PKIA: variants seen among roughly 807,000 people sequenced by gnomAD.
PKIA encodes the protein cAMP-dependent protein kinase inhibitor alpha.
PKIA carries 4 observed loss-of-function variants against 7.6 expected under a neutral mutation model. The ratio of observed to expected loss-of-function variants is 0.52; its 90% CI spans 0.26 to 1.20. The LOEUF (loss-of-function observed/expected upper bound fraction) is 1.20, where lower values mean the gene tolerates loss of function less well. Among genes scored for constraint, PKIA ranks in the 50% most tolerant of loss-of-function variants. The pLI is 0.13. For synonymous variants in PKIA, 21 were observed against 30.7 expected (o/e 0.68, Z 1.04); for missense variants, 73 against 86.2 (o/e 0.85, Z 0.61).
At chr8:78,581,563 G>A (rs190341344) in intron 2 of PKIA, among the ~76,000 whole-genome samples, 2 of 152,164 alleles carry the variant, frequency 1.3e-5, no homozygotes, top group Admixed American at 6.5e-5. Flanking sequence ...TGAGAATAGA[G>A]CTTCACTGTG....
chr8:78,521,721 T>C (rs1465949184), intron 1 of PKIA, among the ~76,000 whole-genome samples: 4 of 152,004 alleles, frequency 2.6e-5, no homozygotes, highest in Non-Finnish European at 5.9e-5. Context: ...AAATTTTTTT[T>C]CTGGTAAAAT....
At chr8:78,546,319 T>G (rs996598352) in intron 1 of PKIA, among the ~76,000 whole-genome samples, 6 of 147,898 alleles carry the variant, frequency 4.1e-5, no homozygotes, top group African/African-American at 1.6e-4. Flanking sequence ...TAGGACCATA[T>G]AGTTAAGAAG....
chr8:78,571,034 G>T (rs1046846882), intron 1 of PKIA, among the ~76,000 whole-genome samples: 1 of 151,994 alleles, frequency 6.6e-6, no homozygotes, highest in African/African-American at 2.4e-5. Flanking sequence ...CTAAGATAAT[G>T]ATTTTAATAA....
intron 1 of PKIA, among the ~76,000 whole-genome samples, chr8:78,525,131 A>G (rs1809517269): frequency 1.3e-5 from 2 of 151,648 alleles, no homozygotes; most frequent in Non-Finnish European, 2.9e-5. Context: ...TTTATCTAGT[A>G]AGCAGTTCAA....
intron 1 of PKIA, among the ~76,000 whole-genome samples, chr8:78,563,857 G>C (rs1807340884): frequency 6.6e-6 from 1 of 152,148 alleles, no homozygotes; most frequent in Non-Finnish European, 1.5e-5. Flanking sequence ...GGAGTTAGTG[G>C]TCTAGAATAT....
intron 1 of PKIA, among the ~76,000 whole-genome samples, chr8:78,560,028 A>G (rs994924751): frequency 6.6e-6 from 1 of 152,148 alleles, no homozygotes; most frequent in African/African-American, 2.4e-5. Flanking sequence ...TGCATATTTG[A>G]TATCATTTTG....
At chr8:78,536,663 AG>A (rs2118386339) in intron 1 of PKIA, among the ~76,000 whole-genome samples, 1 of 152,190 alleles carries the variant, frequency 6.6e-6, no homozygotes, top group South Asian at 2.1e-4. Flanking sequence ...TTCCTCAAAA[AG>A]CTGTGTATCT....
intron 1 of PKIA, among the ~76,000 whole-genome samples, chr8:78,572,508 T>C (rs1807573169): frequency 1.4e-5 from 2 of 145,170 alleles, no homozygotes; most frequent in Admixed American, 7.0e-5. Context: ...ACAGATTTCT[T>C]TCCCCACCAC....
rs549368208 is a variant in PKIA, at chr8:78,597,804, G to T, written c.-27-554G>T. 9.4e-4 allele frequency among the ~76,000 whole-genome samples: 143 copies of T among 152,074 alleles called. 1 individual carries two copies. The highest frequency in any genetic ancestry group is 1.7e-3 in the Non-Finnish European group (113 of 67,988). ...TGTAAGGACAAAGTTGAGTAGTTGG[G>T]ATAGAGATCATATGACCCTCAGAGC... is the stretch of plus-strand genomic sequence containing the variant. On this transcript the variant is annotated intron_variant, in intron 2 of 3. Coordinates refer to ENST00000396418, the MANE Select transcript of PKIA (RefSeq NM_006823.4).
intron 1 of PKIA, among the ~76,000 whole-genome samples, chr8:78,559,298 C>T (rs559072523): frequency 6.6e-6 from 1 of 152,182 alleles, no homozygotes; most frequent in Non-Finnish European, 1.5e-5. Context: ...ATCAAAACAT[C>T]AACATGATCA....
intron 1 of PKIA, among the ~76,000 whole-genome samples, chr8:78,532,394 C>T (rs1806409815): frequency 6.6e-6 from 1 of 151,732 alleles, no homozygotes; most frequent in African/African-American, 2.4e-5. Context: ...CACCCCTGCT[C>T]ATTTCTATCA....
Position 78,601,861 on chromosome 8 carries a change from A to C in PKIA, c.*40A>C. 22 of 1,446,582 alleles carry C rather than the reference A, an allele frequency of 1.5e-5. No individual in the cohort carries two copies. Among genetic ancestry groups the C allele is most frequent in the Non-Finnish European group, 2.0e-5 (21 of 1,030,688 alleles). The allele number at this position is 1,446,582 out of a possible 1,614,324, so 89.6% of individuals were successfully genotyped here. A position where few individuals can be genotyped will look rare whatever the true frequency, so the allele number is the denominator to read the frequency against. Reference sequence around the variant, plus strand: ...CCTCGACCACACCTGAAAATGTCTCAAATCTCCAGGAGTATCTGGAATGCA... The same window carrying C: ...CCTCGACCACACCTGAAAATGTCTCCAATCTCCAGGAGTATCTGGAATGCA... On this transcript the variant is annotated 3_prime_UTR_variant, in exon 4 of 4. Coordinates refer to ENST00000396418, the MANE Select transcript of PKIA (RefSeq NM_006823.4).
chr8:78,530,722 C>G (rs1806368424), intron 1 of PKIA, among the ~76,000 whole-genome samples: 1 of 152,020 alleles, frequency 6.6e-6, no homozygotes, highest in Admixed American at 6.6e-5. Context: ...CACACATTTA[C>G]TAGTTCTAAT....
At chr8:78,588,433 T>C (rs1808011219) in intron 2 of PKIA, among the ~76,000 whole-genome samples, 1 of 152,132 alleles carries the variant, frequency 6.6e-6, no homozygotes, top group Non-Finnish European at 1.5e-5. Flanking sequence ...TGAGCCAAGA[T>C]CATGCCACGG....
chr8:78,547,815 T>C (rs1806871690), intron 1 of PKIA, among the ~76,000 whole-genome samples: 1 of 152,162 alleles, frequency 6.6e-6, no homozygotes, highest in Non-Finnish European at 1.5e-5. Flanking sequence ...TTTTTGAATC[T>C]GGGTGAAGTT....
intron 2 of PKIA, among the ~76,000 whole-genome samples, chr8:78,577,308 C>T (rs1321205106): frequency 6.6e-6 from 1 of 151,544 alleles, no homozygotes; most frequent in South Asian, 2.1e-4. Context: ...TTCCTGAACA[C>T]AAAGAAGGGA....
At chr8:78,534,030 C>T (rs983668933) in intron 1 of PKIA, 4 of 152,078 alleles carry the variant, frequency 2.6e-5, no homozygotes, top group African/African-American at 9.7e-5. Context: ...AGTGTTTATT[C>T]AAACCAAGCC....
chr8:78,585,363 A>G (rs1807924865), intron 2 of PKIA, among the ~76,000 whole-genome samples: 1 of 152,092 alleles, frequency 6.6e-6, no homozygotes, highest in Non-Finnish European at 1.5e-5. Flanking sequence ...AGCCTGAAAG[A>G]TTTGAAAATT....
intron 1 of PKIA, among the ~76,000 whole-genome samples, chr8:78,559,504 T>C (rs1337757713): frequency 1.3e-4 from 20 of 152,222 alleles, no homozygotes; most frequent in Non-Finnish European, 1.5e-5. Flanking sequence ...GAGTTATACC[T>C]TTATGCAGTT....
Sources: gnomAD v4.1 joint callset for allele counts (sites outside exome capture counted in the v4.1 genomes callset) on GRCh38, gnomAD v4.1.1 for gene constraint, MANE v1.5 for transcripts, NCBI Gene and HGNC (gene_info 2026-07-23, HGNC 2026-07-21) for gene names.